The following QTMAN variants were observed in gnomAD, a reference collection of about 807,000 sequenced individuals.
QTMAN encodes the protein tRNA-queuosine alpha-mannosyltransferase.
chr2:144,010,097 G>A, the QTMAN span, among the ~76,000 whole-genome samples: 1 of 151,382 alleles, frequency 6.6e-6, no homozygotes, highest in Non-Finnish European at 1.5e-5. Context: ...AAATCTATGG[G>A]ATTCAAACAA....
the QTMAN span, among the ~76,000 whole-genome samples, chr2:144,038,642 G>A: frequency 6.6e-6 from 1 of 152,076 alleles, no homozygotes; most frequent in African/African-American, 2.4e-5. Flanking sequence ...TAGGAAAGGG[G>A]AATAACAACA....
chr2:144,330,918 T>C, the QTMAN span, among the ~76,000 whole-genome samples: 2 of 152,352 alleles, frequency 1.3e-5, no homozygotes, highest in South Asian at 2.1e-4. Flanking sequence ...TGTATTTCTG[T>C]GATGCATAAG....
the QTMAN span, among the ~76,000 whole-genome samples, chr2:144,005,099 T>C: frequency 2.0e-5 from 3 of 152,010 alleles, no homozygotes. Context: ...GCTTAGGTAA[T>C]GGCAAACAAA....
chr2:144,296,511 A>T, the QTMAN span, among the ~76,000 whole-genome samples: 1 of 152,240 alleles, frequency 6.6e-6, no homozygotes, highest in African/African-American at 2.4e-5. Context: ...AAAAAATATT[A>T]AAGTACAAAA....
the QTMAN span, among the ~76,000 whole-genome samples, chr2:144,010,545 T>TTCAGCGAACTGAAATGA: frequency 6.6e-6 from 1 of 152,114 alleles, no homozygotes; most frequent in Non-Finnish European, 1.5e-5. Flanking sequence ...AAGAGCTGAT[T>TTCAGCGAACTGAAATGA]TGATTCAGCG....
the QTMAN span, among the ~76,000 whole-genome samples, chr2:144,014,356 A>G: frequency 6.6e-6 from 1 of 152,304 alleles, no homozygotes; most frequent in African/African-American, 2.4e-5. Flanking sequence ...GTTGTTAAGT[A>G]TTCAATGCTT....
the QTMAN span, among the ~76,000 whole-genome samples, chr2:144,304,834 T>A: frequency 6.6e-6 from 1 of 152,200 alleles, no homozygotes; most frequent in Non-Finnish European, 1.5e-5. Context: ...AAGACGCAGA[T>A]GAGAAATTCT....
the QTMAN span, among the ~76,000 whole-genome samples, chr2:144,306,439 G>A: frequency 6.6e-6 from 1 of 152,172 alleles, no homozygotes; most frequent in Admixed American, 6.5e-5. Context: ...TAGCTGGTGA[G>A]GGCCTTCTTC....
chr2:144,324,445 G>A, the QTMAN span, among the ~76,000 whole-genome samples: 1 of 152,010 alleles, frequency 6.6e-6, no homozygotes, highest in Non-Finnish European at 1.5e-5. Flanking sequence ...CACTAAAAAA[G>A]ACTAATCCCC....
chr2:144,140,099 G>A, the QTMAN span, among the ~76,000 whole-genome samples: 9 of 152,112 alleles, frequency 5.9e-5, no homozygotes, highest in African/African-American at 2.2e-4. Context: ...TACACTATAT[G>A]AGTTTGGGTT....
At chr2:144,293,255 C>T in the QTMAN span, among the ~76,000 whole-genome samples, 2 of 152,048 alleles carry the variant, frequency 1.3e-5, no homozygotes, top group Admixed American at 1.3e-4. Flanking sequence ...CAGATACAAG[C>T]AAGGCCATAG....
the QTMAN span, among the ~76,000 whole-genome samples, chr2:144,281,395 C>CAAAAAAAAAAA: frequency 2.5e-4 from 15 of 60,586 alleles, no homozygotes; most frequent in South Asian, 7.9e-4. Context: ...ATTGTTATAG[C>CAAAAAAAAAAA]AAAAAAAAAA....
chr2:144,036,741 T>C, the QTMAN span, among the ~76,000 whole-genome samples: 2 of 152,308 alleles, frequency 1.3e-5, no homozygotes, highest in East Asian at 3.9e-4. Context: ...CAGGTTGGCA[T>C]TGGATTCATT....
the QTMAN span, among the ~76,000 whole-genome samples, chr2:144,255,710 G>A: frequency 6.6e-6 from 1 of 152,222 alleles, no homozygotes; most frequent in Non-Finnish European, 1.5e-5. Context: ...AAGAAGGGAT[G>A]AACAGGTAAA....
chr2:144,278,184 T>C, the QTMAN span, among the ~76,000 whole-genome samples: 1 of 152,190 alleles, frequency 6.6e-6, no homozygotes, highest in Admixed American at 6.5e-5. Flanking sequence ...AGTGTGGTTC[T>C]AGCAGGAGTT....
the QTMAN span, chr2:144,332,332 C>CCG: frequency 2.0e-5 from 3 of 149,506 alleles, no homozygotes; most frequent in Admixed American, 6.6e-5. Context: ...TCTGGGATCT[C>CCG]CGCGCAGCGC....
chr2:144,324,175 C>T, the QTMAN span, among the ~76,000 whole-genome samples: 1 of 152,172 alleles, frequency 6.6e-6, no homozygotes, highest in Non-Finnish European at 1.5e-5. Flanking sequence ...GAATACAATA[C>T]ATACTCTGCC....
chr2:144,160,170 G>T, the QTMAN span, among the ~76,000 whole-genome samples: 3 of 151,848 alleles, frequency 2.0e-5, no homozygotes, highest in Non-Finnish European at 4.4e-5. Context: ...AATGACTATC[G>T]GAAAGATCAT....
the QTMAN span, among the ~76,000 whole-genome samples, chr2:144,080,818 A>C: frequency 6.6e-6 from 1 of 152,204 alleles, no homozygotes; most frequent in Non-Finnish European, 1.5e-5. Context: ...CTGGCAGAGA[A>C]ACTTTCATAA....
Sources: allele counts gnomAD v4.1 joint callset (sites outside exome capture counted in the v4.1 genomes callset), GRCh38; gene constraint gnomAD v4.1.1; transcripts MANE v1.5; gene names NCBI Gene and HGNC (gene_info 2026-07-23, HGNC 2026-07-21).